Variants in ZSCAN5A observed in about 807,000 individuals in gnomAD.
ZSCAN5A encodes zinc finger and SCAN domain containing 5A, also known as zinc finger and SCAN domain-containing protein 5A.
In ZSCAN5A, 12 loss-of-function variants were observed where a neutral mutation model predicts 23.7. That is an observed-to-expected ratio of 0.51 (90% CI 0.32 to 0.82). The LOEUF (loss-of-function observed/expected upper bound fraction) is 0.82. Among genes scored for constraint, ZSCAN5A ranks in the 40% least tolerant of loss-of-function variants. ZSCAN5A has a pLI of 0.03. For missense variants in ZSCAN5A, 597 were observed against 617.9 expected (o/e 0.97, Z 0.36); for synonymous variants, 257 against 239.9 (o/e 1.07, Z -0.66).
At chr19:56,309,061 T>A (rs1402760689) in intron 2 of ZSCAN5A, among the ~76,000 whole-genome samples, 2 of 152,332 alleles carry the variant, frequency 1.3e-5, no homozygotes, top group East Asian at 1.9e-4. Flanking sequence ...ACCCAACAAC[T>A]GATGAAAGGA....
At chr19:56,350,356 C>T (rs745752275) in intron 2 of ZSCAN5A, among the ~76,000 whole-genome samples, 2 of 151,982 alleles carry the variant, frequency 1.3e-5, no homozygotes, top group Non-Finnish European at 2.9e-5. Context: ...GGGAAATAAC[C>T]GGTTGTTTAA....
intron 3 of ZSCAN5A, among the ~76,000 whole-genome samples, chr19:56,224,113 T>C (rs951129697): frequency 1.3e-5 from 2 of 151,748 alleles, no homozygotes; most frequent in Non-Finnish European, 2.9e-5. Flanking sequence ...AGGAGAAATA[T>C]TCTGGGTGAA....
intron 2 of ZSCAN5A, among the ~76,000 whole-genome samples, chr19:56,337,451 G>C (rs930786928): frequency 1.3e-5 from 2 of 152,234 alleles, no homozygotes; most frequent in African/African-American, 4.8e-5. Flanking sequence ...ATTAGGGTGG[G>C]AGTGACCCGA....
intron 2 of ZSCAN5A, chr19:56,246,826 A>G (rs941407133): frequency 6.2e-7 from 1 of 1,611,318 alleles, no homozygotes; most frequent in Non-Finnish European, 8.5e-7. Context: ...CGTTGTGGAG[A>G]GAGAAGCTTC....
At chr19:56,299,099 A>T (rs546972268) in intron 2 of ZSCAN5A, among the ~76,000 whole-genome samples, 1 of 152,294 alleles carries the variant, frequency 6.6e-6, no homozygotes, top group South Asian at 2.1e-4. Flanking sequence ...ATTTCAGTAG[A>T]TACAGAAAAA....
intron 2 of ZSCAN5A, among the ~76,000 whole-genome samples, chr19:56,227,658 T>C (rs954638428): frequency 6.6e-6 from 1 of 152,140 alleles, no homozygotes; most frequent in African/African-American, 2.4e-5. Context: ...GTCACCCAGG[T>C]AGGGACACTT....
intron 2 of ZSCAN5A, among the ~76,000 whole-genome samples, chr19:56,237,355 G>A (rs979096409): frequency 4.6e-5 from 7 of 152,074 alleles, no homozygotes; most frequent in African/African-American, 1.7e-4. Flanking sequence ...CATTCTGATT[G>A]TCACTTTCAG....
intron 2 of ZSCAN5A, among the ~76,000 whole-genome samples, chr19:56,227,731 G>A (rs560436557): frequency 6.6e-6 from 1 of 152,236 alleles, no homozygotes; most frequent in African/African-American, 2.4e-5. Context: ...ATTTCACCCT[G>A]TGCAAAGGGA....
At chr19:56,303,699 T>C in intron 2 of ZSCAN5A, among the ~76,000 whole-genome samples, 1 of 151,964 alleles carries the variant, frequency 6.6e-6, no homozygotes, top group Non-Finnish European at 1.5e-5. Context: ...CTCCCATGTT[T>C]GGGATAGCAG....
chr19:56,314,764 G>C lies in ZSCAN5A; in HGVS notation c.-313C>G, dbSNP rs1431423171. The C allele has an allele frequency of 6.6e-6, 1 of 152,326 alleles. No individual in the cohort carries two copies. The highest frequency in any genetic ancestry group is 1.5e-5 in the Non-Finnish European group (1 of 68,082). 9.4% of individuals were successfully genotyped at this position (152,326 alleles called of 1,614,324 possible). ...CGGTCCCAAAGCCGCAAACGAGTCAGGCATCGTGGTAGGACCTGGCGAGTG... is the reference window on the plus strand; with the variant it reads ...CGGTCCCAAAGCCGCAAACGAGTCACGCATCGTGGTAGGACCTGGCGAGTG... On this transcript the variant is annotated 5_prime_UTR_variant, in exon 1 of 6. Coordinates refer to ENST00000683990, the MANE Select transcript of ZSCAN5A (RefSeq NM_001322064.3).
chr19:56,310,304 A>G (rs11668451), intron 2 of ZSCAN5A: 13,738 of 152,370 alleles, frequency 0.09, 680 homozygotes, highest in Middle Eastern at 0.12. Context: ...AGGCATGGCC[A>G]GAAGGTGTCT....
intron 2 of ZSCAN5A, chr19:56,273,020 ACTT>A: frequency 5.9e-6 from 2 of 339,024 alleles, no homozygotes; most frequent in Non-Finnish European, 8.4e-6. Context: ...AGTCTAACAG[ACTT>A]CTTCTTGCTT....
chr19:56,285,617 GTTTGT>G (rs1244422919), intron 2 of ZSCAN5A, among the ~76,000 whole-genome samples: 3 of 151,578 alleles, frequency 2.0e-5, no homozygotes, highest in Non-Finnish European at 4.4e-5. Flanking sequence ...GATTTGTTTT[GTTTGT>G]TTTAATTTTT....
At chr19:56,230,820 G>C (rs1010986937) in intron 2 of ZSCAN5A, among the ~76,000 whole-genome samples, 12 of 152,110 alleles carry the variant, frequency 7.9e-5, no homozygotes, top group African/African-American at 2.9e-4. Context: ...TCAGCACTTA[G>C]CCTAGCCTAC....
At chr19:56,253,718 T>G (rs2036516813) in intron 2 of ZSCAN5A, among the ~76,000 whole-genome samples, 2 of 152,138 alleles carry the variant, frequency 1.3e-5, no homozygotes, top group Non-Finnish European at 2.9e-5. Context: ...TAAATACATT[T>G]TTTTTTCTTA....
intron 2 of ZSCAN5A, among the ~76,000 whole-genome samples, chr19:56,309,858 A>G (rs2040924511): frequency 6.6e-6 from 1 of 152,160 alleles, no homozygotes; most frequent in Admixed American, 6.5e-5. Flanking sequence ...AGGAGGAGAC[A>G]CTTGCCCTGG....
intron 2 of ZSCAN5A, chr19:56,320,024 A>T (rs192000358): frequency 1.2e-6 from 1 of 837,608 alleles, no homozygotes; most frequent in African/African-American, 1.7e-5. Context: ...AACATCAACA[A>T]TGGTAATAAA....
chr19:56,364,547 GT>G (rs1456370638), intron 1 of ZSCAN5A, among the ~76,000 whole-genome samples: 1 of 152,164 alleles, frequency 6.6e-6, no homozygotes, highest in Non-Finnish European at 1.5e-5. Context: ...AAAACTGACA[GT>G]TTTTTAAAAA....
intron 2 of ZSCAN5A, chr19:56,247,201 C>T (rs981841699): frequency 4.2e-6 from 2 of 479,704 alleles, no homozygotes; most frequent in South Asian, 2.7e-5. Context: ...CGTCCACCAG[C>T]GAATCCACAC....
Sources: allele counts gnomAD v4.1 joint callset (sites outside exome capture counted in the v4.1 genomes callset), GRCh38; gene constraint gnomAD v4.1.1; transcripts MANE v1.5; gene names NCBI Gene and HGNC (gene_info 2026-07-23, HGNC 2026-07-21).